STK24: variants seen among roughly 807,000 people sequenced by gnomAD.
STK24 encodes the protein serine/threonine kinase 24, also known as serine/threonine-protein kinase 24.
Under a neutral mutation model 55.6 loss-of-function variants are expected in STK24, and 21 were observed. The observed-to-expected ratio is 0.38, with a 90% CI of 0.27 to 0.54. The LOEUF (loss-of-function observed/expected upper bound fraction) is 0.54. STK24 is among the 20% of genes least tolerant of loss of function. STK24 has a pLI of 0.79. For synonymous variants in STK24, 200 were observed against 215.2 expected, an observed-to-expected ratio of 0.93 and a Z score of 0.62; for missense variants, 383 against 538.4, an observed-to-expected ratio of 0.71 and a Z score of 2.86.
At chr13:98,461,725 A>G in intron 8 of STK24, 49 bp downstream of exon 8, 1 of 1,601,324 alleles carries the variant, frequency 6.2e-7, no homozygotes, top group Non-Finnish European at 8.5e-7. Context: ...TGCCTCCAAA[A>G]CACTGCAGAC....
intron 1 of STK24, among the ~76,000 whole-genome samples, chr13:98,545,312 G>A (rs1387598280): frequency 3.9e-5 from 6 of 152,214 alleles, no homozygotes; most frequent in Admixed American, 2.6e-4. Context: ...GAAAAGCAGG[G>A]CAACATCTCA....
intron 1 of STK24, among the ~76,000 whole-genome samples, chr13:98,520,205 G>C (rs770904856): frequency 2.6e-5 from 4 of 152,182 alleles, no homozygotes; most frequent in Non-Finnish European, 5.9e-5. Flanking sequence ...GTTCTCAAAG[G>C]GGGCAGTAAC....
At chr13:98,513,485 G>A (rs1466989855) in intron 2 of STK24, among the ~76,000 whole-genome samples, 1 of 152,150 alleles carries the variant, frequency 6.6e-6, no homozygotes, top group African/African-American at 2.4e-5. Context: ...TGCAGACACT[G>A]TCACCTGTGC....
chr13:98,536,223 G>C (rs1312727447), intron 1 of STK24, among the ~76,000 whole-genome samples: 1 of 152,152 alleles, frequency 6.6e-6, no homozygotes, highest in East Asian at 1.9e-4. Context: ...GAGCAATCAA[G>C]ATACAATCTG....
intron 7 of STK24, among the ~76,000 whole-genome samples, chr13:98,462,909 T>G (rs952569247): frequency 6.6e-6 from 1 of 152,154 alleles, no homozygotes; most frequent in Non-Finnish European, 1.5e-5. Flanking sequence ...CTCCAGTCTC[T>G]TTCTCTTGTC....
chr13:98,507,276 A>G (rs912119267), intron 2 of STK24, among the ~76,000 whole-genome samples: 3 of 152,254 alleles, frequency 2.0e-5, no homozygotes, highest in Admixed American at 6.5e-5. Context: ...CAGGGAAGCT[A>G]ACGGTAGACC....
At chr13:98,479,858 C>G (rs777721743) in intron 3 of STK24, among the ~76,000 whole-genome samples, 8 of 152,088 alleles carry the variant, frequency 5.3e-5, no homozygotes, top group Non-Finnish European at 1.2e-4. Context: ...AGCAGGCCAA[C>G]AGAAAAGGGT....
chr13:98,532,268 G>A (rs868708094), intron 1 of STK24, among the ~76,000 whole-genome samples: 4 of 151,940 alleles, frequency 2.6e-5, no homozygotes, highest in Admixed American at 6.6e-5. Flanking sequence ...GGCACCTCCC[G>A]GCACCTCACC....
chr13:98,507,326 G>A (rs1304354260), intron 2 of STK24, among the ~76,000 whole-genome samples: 1 of 152,174 alleles, frequency 6.6e-6, no homozygotes, highest in East Asian at 1.9e-4. Flanking sequence ...CAGCTCAACA[G>A]CCAAAGGGCT....
intron 2 of STK24, among the ~76,000 whole-genome samples, chr13:98,501,741 C>A (rs1035298896): frequency 6.6e-6 from 1 of 152,082 alleles, no homozygotes; most frequent in Non-Finnish European, 1.5e-5. Flanking sequence ...TGACACTGGC[C>A]AATCCTCATG....
At chr13:98,477,878 A>G (rs1894437668) in intron 3 of STK24, among the ~76,000 whole-genome samples, 1 of 151,970 alleles carries the variant, frequency 6.6e-6, no homozygotes, top group African/African-American at 2.4e-5. Context: ...GGTGAGGAAC[A>G]CTCATGGAAA....
chr13:98,448,325 A>G lies in STK24; in HGVS notation c.*4848T>C. The G allele has an allele frequency of 6.2e-7, 1 of 1,606,658 alleles. No individual in the cohort carries two copies. Among genetic ancestry groups the G allele is most frequent in the Non-Finnish European group, 8.5e-7 (1 of 1,173,118 alleles). On this transcript the variant is annotated 3_prime_UTR_variant, in exon 11 of 11. Coordinates refer to ENST00000539966, the MANE Select transcript of STK24 (RefSeq NM_001032296.4). Reference sequence around the variant, plus strand: ...GAGTCTCTTGTGTATTGATGGCCGGACACACTCGTTTCCGCAGTGGCTGCT... The same window carrying G: ...GAGTCTCTTGTGTATTGATGGCCGGGCACACTCGTTTCCGCAGTGGCTGCT...
chr13:98,570,528 T>G (rs1338084631), intron 1 of STK24, among the ~76,000 whole-genome samples: 1 of 152,164 alleles, frequency 6.6e-6, no homozygotes, highest in Non-Finnish European at 1.5e-5. Flanking sequence ...CCACAATGTA[T>G]TCAGATACCA....
At chr13:98,574,151 A>G (rs1171317350) in intron 1 of STK24, among the ~76,000 whole-genome samples, 1 of 152,184 alleles carries the variant, frequency 6.6e-6, no homozygotes, top group Non-Finnish European at 1.5e-5. Context: ...AGCTGGGATT[A>G]CAGGCGTGTG....
rs1312951171 is a variant in STK24 at position 98,474,815 on chromosome 13, C to G, written c.597+6G>C. The G allele has an allele frequency of 1.9e-6, 3 of 1,607,078 alleles. No individual in the cohort carries two copies. Among genetic ancestry groups the G allele is most frequent in the Non-Finnish European group, 2.5e-6 (3 of 1,176,590 alleles). On this transcript the variant is annotated splice_donor_region_variant and intron_variant, in intron 5 of 10. Coordinates refer to ENST00000539966, the MANE Select transcript of STK24 (RefSeq NM_001032296.4). ...AGGCACGGCGCCGCCCTCACCCTCC[C>G]CTCACCTTCGAGTCATAGGCCGACT...
chr13:98,556,721 C>T (rs1248408533), intron 1 of STK24, among the ~76,000 whole-genome samples: 1 of 152,146 alleles, frequency 6.6e-6, no homozygotes, highest in Non-Finnish European at 1.5e-5. Context: ...GAGGCTTCTA[C>T]CCGATTTTTG....
Position 98,468,247 on chromosome 13 carries a change from G to T in STK24, c.598-1686C>A, listed in dbSNP as rs185353244. Among the ~76,000 whole-genome samples the T allele has an allele frequency of 2.6e-5, 4 of 152,364 alleles. No homozygotes were observed. The East Asian group carries it at 7.7e-4, about 29-fold the overall frequency. On this transcript the variant is annotated intron_variant, in intron 5 of 10. Coordinates refer to ENST00000539966, the MANE Select transcript of STK24 (RefSeq NM_001032296.4). ...AGTGAAGATGAAAAGCTGCCAGCAA[G>T]TCTTGTTCTAAATTCTTTCTACTAA...
At chr13:98,462,001 C>A in intron 7 of STK24, 104 bp from the exon 8 acceptor site, 1 of 1,458,224 alleles carries the variant, frequency 6.9e-7, no homozygotes, top group South Asian at 1.2e-5. Flanking sequence ...AACCCACACC[C>A]ACCAGCCCCA....
At chr13:98,557,165 T>C (rs1482569128) in intron 1 of STK24, among the ~76,000 whole-genome samples, 1 of 152,196 alleles carries the variant, frequency 6.6e-6, no homozygotes, top group African/African-American at 2.4e-5. Context: ...GGCTACTCCC[T>C]CTTCAATCAC....
Sources: allele counts gnomAD v4.1 joint callset (sites outside exome capture counted in the v4.1 genomes callset), GRCh38; gene constraint gnomAD v4.1.1; transcripts MANE v1.5; gene names NCBI Gene and HGNC (gene_info 2026-07-23, HGNC 2026-07-21).